Variants in PIK3C3 observed in about 807,000 individuals in gnomAD.
The protein encoded by PIK3C3 is phosphatidylinositol 3-kinase catalytic subunit type 3.
Under a neutral mutation model 126.1 loss-of-function variants are expected in PIK3C3, and 95 were observed. The ratio of observed to expected loss-of-function variants is 0.75; its 90% CI spans 0.64 to 0.89. The LOEUF (loss-of-function observed/expected upper bound fraction) is 0.89. Ranked by LOEUF, PIK3C3 falls within the 40% of genes least tolerant of loss-of-function variation. The pLI, the probability that PIK3C3 is intolerant of heterozygous loss-of-function variation, is 0.00. For missense variants in PIK3C3, 829 were observed against 1,063.2 expected (o/e 0.78, Z 3.06); for synonymous variants, 374 against 360.0 (o/e 1.04, Z -0.44).
chr18:42,052,019 C>T (rs1037926394), intron 21 of PIK3C3, among the ~76,000 whole-genome samples: 2 of 151,538 alleles, frequency 1.3e-5, no homozygotes, highest in Admixed American at 1.3e-4. Context: ...AAGAATTTGC[C>T]AGTGGAAAAA....
intron 3 of PIK3C3, among the ~76,000 whole-genome samples, chr18:41,969,277 T>C (rs1980533074): frequency 6.6e-6 from 1 of 152,176 alleles, no homozygotes; most frequent in African/African-American, 2.4e-5. Context: ...GAGCTTTGAG[T>C]AGATGCTGTT....
chr18:42,026,694 C>G (rs1983586113), intron 13 of PIK3C3: 1 of 152,142 alleles, frequency 6.6e-6, no homozygotes, highest in Admixed American at 6.5e-5. Flanking sequence ...TCCTAGGCCT[C>G]CCAAAACACT....
chr18:42,081,981 G>A lies in PIK3C3; in HGVS notation c.*844G>A, dbSNP rs1461346595. ...CTTTTTGATGTTATAAAGGAGTTGA[G>A]GAACAAAAAGCTCTTTGAAATAGCT... On this transcript the variant is annotated 3_prime_UTR_variant, in exon 25 of 25. Coordinates refer to ENST00000262039, the MANE Select transcript of PIK3C3 (RefSeq NM_002647.4). The A allele has an allele frequency of 6.7e-6, 1 of 149,732 alleles. No homozygotes were observed. The highest frequency in any genetic ancestry group is 2.4e-5 in the African/African-American group (1 of 41,068). 9.3% of individuals were successfully genotyped at this position (149,732 alleles called of 1,614,324 possible).
intron 21 of PIK3C3, among the ~76,000 whole-genome samples, chr18:42,056,700 T>A (rs1426299836): frequency 6.6e-6 from 1 of 152,122 alleles, no homozygotes; most frequent in Non-Finnish European, 1.5e-5. Flanking sequence ...ATTGCTTAGC[T>A]TAGTTGAACA....
rs112480293 is a variant in PIK3C3, at chr18:42,003,182, A to T, written c.985-1174A>T. 4.3e-3 allele frequency among the ~76,000 whole-genome samples: 652 copies of T among 152,334 alleles called. 11 individuals carry two copies. Among genetic ancestry groups the T allele is most frequent in the African/African-American group, 0.015 (608 of 41,578 alleles). ...AGTTAGGGGATGGGTTTGAAGGTTC[A>T]TTTAGTGTCATACTAACAGAAATTA... On this transcript the variant is annotated intron_variant, in intron 9 of 24. Transcript: ENST00000262039.
intron 1 of PIK3C3, among the ~76,000 whole-genome samples, chr18:41,956,040 G>A (rs1029148536): frequency 6.6e-6 from 1 of 152,162 alleles, no homozygotes; most frequent in Non-Finnish European, 1.5e-5. Flanking sequence ...ATAATGACGA[G>A]GGATGCACAA....
chr18:42,014,176 C>G (rs1006829111), intron 11 of PIK3C3, among the ~76,000 whole-genome samples: 1 of 142,520 alleles, frequency 7.0e-6, no homozygotes, highest in Non-Finnish European at 1.5e-5. Context: ...CCAGTGCGCT[C>G]CAGCCTGGGC....
intron 2 of PIK3C3, among the ~76,000 whole-genome samples, chr18:41,958,140 T>G (rs1401542739): frequency 2.0e-5 from 3 of 152,224 alleles, no homozygotes; most frequent in Non-Finnish European, 2.9e-5. Flanking sequence ...TTTTTAGAGA[T>G]AGATCTATTG....
chr18:42,029,411 A>G lies in PIK3C3; in HGVS notation c.1677A>G (p.Val559=). The change falls in exon 15 of 25, where the codon GTA becomes GTG. Residue 559 remains valine, a synonymous_variant. Coordinates refer to ENST00000262039, the MANE Select transcript of PIK3C3 (RefSeq NM_002647.4). ...GGTTGGTGCATCTAATGAAGGCAGT[A>G]CAACGCGAAAGTGGAAATCGTAAGA... ...VDRLVHLMKA[V]QRESGNRKKK... 3 of 1,612,422 alleles carry G rather than the reference A, an allele frequency of 1.9e-6. No homozygotes were observed. The highest frequency in any genetic ancestry group is 2.5e-6 in the Non-Finnish European group (3 of 1,178,500).
intron 24 of PIK3C3, among the ~76,000 whole-genome samples, chr18:42,076,112 ATATATATATGCG>A (rs1568013525): frequency 9.0e-5 from 7 of 77,708 alleles, no homozygotes; most frequent in Admixed American, 4.8e-4. Context: ...ATATATATAT[ATATATATATGCG>A]CATATATATA....
chr18:42,044,124 CTAAG>C (rs1984452265), intron 20 of PIK3C3, among the ~76,000 whole-genome samples: 1 of 152,074 alleles, frequency 6.6e-6, no homozygotes, highest in Non-Finnish European at 1.5e-5. Context: ...ATAACAGAAA[CTAAG>C]TAGACCATGG....
intron 4 of PIK3C3, among the ~76,000 whole-genome samples, chr18:41,984,664 A>G (rs945330959): frequency 3.3e-5 from 5 of 152,132 alleles, no homozygotes; most frequent in Admixed American, 2.0e-4. Context: ...TCTGCTGCCT[A>G]AAGTCCAGCC....
At chr18:42,067,313 C>T in intron 23 of PIK3C3, 75 bp from the exon 24 acceptor site, 1 of 1,298,632 alleles carries the variant, frequency 7.7e-7, no homozygotes, top group South Asian at 1.3e-5. Flanking sequence ...ATAATGTCTG[C>T]ATCAGTTTGA....
intron 24 of PIK3C3, among the ~76,000 whole-genome samples, chr18:42,071,543 A>T (rs554994736): frequency 6.6e-6 from 1 of 152,160 alleles, no homozygotes; most frequent in East Asian, 1.9e-4. Flanking sequence ...AACATGGTGA[A>T]ACCCTGTCTC....
chr18:42,078,383 CAAAAAAAAA>C (rs60269462), intron 24 of PIK3C3, among the ~76,000 whole-genome samples: 4 of 72,844 alleles, frequency 5.5e-5, no homozygotes, highest in African/African-American at 1.6e-4. Flanking sequence ...GACTCTGTCT[CAAAAAAAAA>C]AAAAAAAAAA....
At chr18:41,956,433 A>G (rs1979775794) in intron 1 of PIK3C3, among the ~76,000 whole-genome samples, 1 of 152,180 alleles carries the variant, frequency 6.6e-6, no homozygotes, top group Non-Finnish European at 1.5e-5. Flanking sequence ...ATACAGGATC[A>G]ATATTGATAA....
In PIK3C3 at chr18:41,969,015, C is replaced by T. The variant is rs180980722; in HGVS notation, c.402-1312C>T. Among the ~76,000 whole-genome samples the T allele has an allele frequency of 7.3e-5, 11 of 151,566 alleles. No individual in the cohort carries two copies. The East Asian group carries it at 1.4e-3, about 19-fold the overall frequency. On this transcript the variant is annotated intron_variant, in intron 3 of 24. Coordinates refer to ENST00000262039, the MANE Select transcript of PIK3C3 (RefSeq NM_002647.4). ...TTTTTATTTTTTAGAGATGGGGTTT[C>T]GCCATGTTGCCCAGGCTAGTCTCAA...
intron 24 of PIK3C3, 74 bp downstream of exon 24, chr18:42,067,587 A>G: frequency 6.8e-7 from 1 of 1,480,908 alleles, no homozygotes; most frequent in Non-Finnish European, 9.3e-7. Context: ...AGAGCCATGC[A>G]TTTCTCCTGC....
chr18:42,068,713 G>A (rs1985644657), intron 24 of PIK3C3, among the ~76,000 whole-genome samples: 1 of 152,200 alleles, frequency 6.6e-6, no homozygotes. Context: ...CACTTTGGGA[G>A]GCCAAGGAGG....
Sources: allele counts gnomAD v4.1 joint callset (sites outside exome capture counted in the v4.1 genomes callset), GRCh38; gene constraint gnomAD v4.1.1; transcripts MANE v1.5; gene names NCBI Gene and HGNC (gene_info 2026-07-23, HGNC 2026-07-21).